Variants in ASIC2 observed in about 807,000 individuals in gnomAD.
ASIC2 encodes the protein acid-sensing ion channel 2.
In ASIC2, 25 loss-of-function variants were observed where a neutral mutation model predicts 57.3. The observed-to-expected ratio is 0.44, with a 90% confidence interval of 0.32 to 0.61. The LOEUF (loss-of-function observed/expected upper bound fraction) is 0.61. Ranked by LOEUF, ASIC2 falls within the 20% of genes least tolerant of loss-of-function variation. The pLI, the probability that ASIC2 is intolerant of heterozygous loss-of-function variation, is 0.06. For missense variants in ASIC2, 641 were observed against 738.1 expected (o/e 0.87, Z 1.52); for synonymous variants, 319 against 307.5 (o/e 1.04, Z -0.39).
chr17:34,086,203 G>C (rs1371315498), intron 1 of ASIC2, among the ~76,000 whole-genome samples: 1 of 149,084 alleles, frequency 6.7e-6, no homozygotes, highest in Non-Finnish European at 1.5e-5. Context: ...TCTACACACT[G>C]CTTTGAATGT....
intron 1 of ASIC2, among the ~76,000 whole-genome samples, chr17:33,779,214 C>T (rs978258129): frequency 6.6e-6 from 1 of 152,120 alleles, no homozygotes; most frequent in Non-Finnish European, 1.5e-5. Flanking sequence ...CTGCTTTGAA[C>T]CTCTTAGAAT....
intron 1 of ASIC2, among the ~76,000 whole-genome samples, chr17:33,775,121 G>A (rs1373055283): frequency 1.3e-5 from 2 of 152,194 alleles, no homozygotes; most frequent in East Asian, 3.9e-4. Context: ...GACAGGAGAG[G>A]GATAACATGG....
At chr17:33,436,853 CTTTT>C (rs71144877) in intron 1 of ASIC2, among the ~76,000 whole-genome samples, 79 of 66,566 alleles carry the variant, frequency 1.2e-3, no homozygotes, top group African/African-American at 3.2e-3. Flanking sequence ...ATTCCAACTT[CTTTT>C]TTTTTTTTTT....
chr17:33,789,126 C>T (rs1428404369), intron 1 of ASIC2, among the ~76,000 whole-genome samples: 1 of 152,180 alleles, frequency 6.6e-6, no homozygotes, highest in African/African-American at 2.4e-5. Context: ...ATGATTATAA[C>T]CTTTCTGAGG....
intron 1 of ASIC2, among the ~76,000 whole-genome samples, chr17:33,238,495 C>T (rs1277173888): frequency 6.6e-6 from 1 of 152,214 alleles, no homozygotes. Flanking sequence ...CCAGATGTCT[C>T]CCATTTCATG....
intron 1 of ASIC2, among the ~76,000 whole-genome samples, chr17:33,469,318 A>C (rs1410011467): frequency 6.6e-6 from 1 of 152,106 alleles, no homozygotes; most frequent in African/African-American, 2.4e-5. Context: ...AGCCAGGCCA[A>C]CCCAAGGGCA....
upstream of ASIC2, among the ~76,000 whole-genome samples, chr17:33,294,160 C>T (rs559295095): frequency 1.1e-4 from 17 of 152,260 alleles, no homozygotes; most frequent in Admixed American, 7.2e-4. Context: ...CTTTCCCATT[C>T]CCCTTGCTGG....
chr17:33,340,125 G>A (rs1907667942), intron 1 of ASIC2, among the ~76,000 whole-genome samples: 1 of 152,192 alleles, frequency 6.6e-6, no homozygotes, highest in South Asian at 2.1e-4. Context: ...ATGTGGAAAT[G>A]TCAGCAGCGT....
chr17:33,125,425 A>T (rs1225673988), intron 1 of ASIC2, among the ~76,000 whole-genome samples: 1 of 152,192 alleles, frequency 6.6e-6, no homozygotes, highest in African/African-American at 2.4e-5. Flanking sequence ...TGTGGTTTTC[A>T]TTGTGCCACA....
At chr17:33,090,825 T>A (rs549338555) in intron 2 of ASIC2, among the ~76,000 whole-genome samples, 12 of 152,238 alleles carry the variant, frequency 7.9e-5, no homozygotes, top group African/African-American at 2.6e-4. Context: ...AAGAAAGGGC[T>A]AGCAGGCAGA....
chr17:34,122,462 T>A (rs1475764418), intron 1 of ASIC2, among the ~76,000 whole-genome samples: 1 of 152,330 alleles, frequency 6.6e-6, no homozygotes, highest in East Asian at 1.9e-4. Flanking sequence ...CCTCCCCAGT[T>A]CCACCTGCCA....
chr17:33,464,691 A>G (rs62068225), intron 1 of ASIC2, among the ~76,000 whole-genome samples: 1 of 92,922 alleles, frequency 1.1e-5, no homozygotes, highest in Non-Finnish European at 2.3e-5. Flanking sequence ...CTCTCTCTAT[A>G]TATATATATA....
chr17:34,156,703 G>A lies in ASIC2; in HGVS notation c.-171C>T, dbSNP rs1904737599. Reference sequence around the variant, plus strand: ...AGAGCCCAGCCGCACGCTGACAGGGGTGAGTGTTTATATAAAACCCATTCA... The same window carrying A: ...AGAGCCCAGCCGCACGCTGACAGGGATGAGTGTTTATATAAAACCCATTCA... On this transcript the variant is annotated 5_prime_UTR_variant, in exon 1 of 10. Transcript: ENST00000359872. This position sits in a 1 kb window ranked among gnomAD's most constrained non-coding sequence, Gnocchi z 4.4. The A allele has an allele frequency of 4.5e-6, 3 of 665,960 alleles. No homozygotes were observed. Among genetic ancestry groups the A allele is most frequent in the East Asian group, 2.8e-5 (1 of 36,240 alleles). 41.3% of individuals were successfully genotyped at this position (665,960 alleles called of 1,614,324 possible).
At chr17:33,606,031 A>G (rs1233270164) in intron 1 of ASIC2, among the ~76,000 whole-genome samples, 1 of 152,088 alleles carries the variant, frequency 6.6e-6, no homozygotes, top group Admixed American at 6.5e-5. Flanking sequence ...TTTAATCCAT[A>G]TTTTTATTAA....
At chr17:33,308,006 G>A (rs1906254495) in intron 1 of ASIC2, among the ~76,000 whole-genome samples, 1 of 152,166 alleles carries the variant, frequency 6.6e-6, no homozygotes, top group South Asian at 2.1e-4. Flanking sequence ...CAGTGCCATA[G>A]GTTCTGCTGT....
intron 1 of ASIC2, among the ~76,000 whole-genome samples, chr17:33,966,014 A>G (rs941656066): frequency 6.6e-6 from 1 of 152,184 alleles, no homozygotes; most frequent in East Asian, 1.9e-4. Context: ...CAAGGCCTTC[A>G]CTATGCAGGC....
intron 1 of ASIC2, among the ~76,000 whole-genome samples, chr17:33,452,718 C>T (rs1309089607): frequency 2.1e-5 from 3 of 140,536 alleles, no homozygotes; most frequent in Non-Finnish European, 4.6e-5. Flanking sequence ...TTGATGTTTT[C>T]TTTGTTTGGA....
At chr17:33,351,654 A>G (rs1281378728) in intron 1 of ASIC2, among the ~76,000 whole-genome samples, 2 of 152,182 alleles carry the variant, frequency 1.3e-5, no homozygotes, top group Non-Finnish European at 2.9e-5. Flanking sequence ...TGATTATGAA[A>G]TGCTTGATTG....
At chr17:33,814,876 G>A (rs1238159832) in intron 1 of ASIC2, among the ~76,000 whole-genome samples, 1 of 152,196 alleles carries the variant, frequency 6.6e-6, no homozygotes, top group African/African-American at 2.4e-5. Flanking sequence ...GGATAGTGGG[G>A]TCTGTAGTCT....
Sources: gnomAD v4.1 joint callset for allele counts (sites outside exome capture counted in the v4.1 genomes callset) on GRCh38, gnomAD v4.1.1 for gene constraint, Gnocchi (gnomAD v3.1) non-coding constraint, MANE v1.5 for transcripts, NCBI Gene and HGNC (gene_info 2026-07-23, HGNC 2026-07-21) for gene names.